The following PKHD1 variants were observed in gnomAD, a reference collection of about 807,000 sequenced individuals.
The protein encoded by PKHD1 is fibrocystin.
Under a neutral mutation model 412.0 loss-of-function variants are expected in PKHD1, and 291 were observed. The observed-to-expected ratio is 0.71, with a 90% CI of 0.64 to 0.78. PKHD1 has a LOEUF of 0.78. Ranked by LOEUF, PKHD1 falls within the 30% of genes least tolerant of loss-of-function variation. PKHD1 has a pLI of 0.00. For synonymous variants in PKHD1, 1,777 were observed against 1,821.5 expected, an observed-to-expected ratio of 0.98 and a Z score of 0.62; for missense variants, 4,825 against 4,950.7, an observed-to-expected ratio of 0.97 and a Z score of 0.76.
chr6:51,647,938 A>G, intron 63 of PKHD1, 93 bp downstream of exon 63: 1 of 799,478 alleles, frequency 1.3e-6, no homozygotes, highest in Non-Finnish European at 2.3e-6. Context: ...ATTCAGTATT[A>G]CCAATTTTGC....
chr6:51,700,722 T>C lies in PKHD1; in HGVS notation c.10157-40753A>G, dbSNP rs574530969. Among the ~76,000 whole-genome samples, 3 of 152,226 alleles carry C rather than the reference T, an allele frequency of 2.0e-5. No individual in the cohort carries two copies. In the East Asian group the frequency reaches 5.8e-4, roughly 29 times the overall value. On this transcript the variant is annotated intron_variant, in intron 60 of 66. Coordinates refer to ENST00000371117, the MANE Select transcript of PKHD1 (RefSeq NM_138694.4). ...CTGTATGCACTTAACATTGCTTTCT[T>C]TGGTAAAATGCAGCCCATTACCTGA...
chr6:52,084,241 A>C (rs1812432810), intron 2 of PKHD1, among the ~76,000 whole-genome samples: 1 of 152,238 alleles, frequency 6.6e-6, no homozygotes, highest in Admixed American at 6.5e-5. Context: ...CTGTACAGTT[A>C]TTCTCATGAT....
chr6:51,627,523 C>T (rs1197438622), intron 65 of PKHD1, among the ~76,000 whole-genome samples: 2 of 151,870 alleles, frequency 1.3e-5, no homozygotes, highest in Non-Finnish European at 2.9e-5. Flanking sequence ...ATGTGCCTTG[C>T]ATATGTGGCT....
chr6:51,658,261 G>C (rs935001946), intron 61 of PKHD1, among the ~76,000 whole-genome samples: 1 of 152,044 alleles, frequency 6.6e-6, no homozygotes, highest in African/African-American at 2.4e-5. Flanking sequence ...AAATTTGCTT[G>C]CATTTTTTCT....
chr6:51,764,233 C>A (rs1788559070), intron 55 of PKHD1, among the ~76,000 whole-genome samples: 1 of 149,968 alleles, frequency 6.7e-6, no homozygotes, highest in Non-Finnish European at 1.5e-5. Context: ...AATAAACAAC[C>A]CAATCAAAAA....
At chr6:51,657,958 T>G (rs1418376411) in intron 61 of PKHD1, among the ~76,000 whole-genome samples, 1 of 152,132 alleles carries the variant, frequency 6.6e-6, no homozygotes, top group Non-Finnish European at 1.5e-5. Flanking sequence ...ACAAAAATTA[T>G]TCATGTATGT....
At chr6:51,635,869 G>A (rs1031126844) in intron 64 of PKHD1, among the ~76,000 whole-genome samples, 4 of 75,198 alleles carry the variant, frequency 5.3e-5, no homozygotes, top group South Asian at 5.0e-4. Context: ...GGGGGGGGGC[G>A]GGGGGCCGGG....
intron 43 of PKHD1, among the ~76,000 whole-genome samples, chr6:51,898,296 G>A (rs1485501779): frequency 6.8e-6 from 1 of 147,180 alleles, no homozygotes; most frequent in Admixed American, 6.7e-5. Flanking sequence ...TAAAAGAACA[G>A]AAATTATAAC....
rs1251215262 is a variant in PKHD1 at position 52,050,044 on chromosome 6, T to C, written c.2279+113A>G. On this transcript the variant is annotated intron_variant, in intron 22 of 66. Coordinates refer to ENST00000371117, the MANE Select transcript of PKHD1 (RefSeq NM_138694.4). ...TGCTGCATTCTCAAGATTGAGAACA[T>C]TGCTTTAAGCAACAAGACAGGTAGC... 20 of 978,582 alleles carry C rather than the reference T, an allele frequency of 2.0e-5. 1 individual carries two copies. The highest frequency in any genetic ancestry group is 4.8e-5 in the African/African-American group (3 of 63,142). 60.6% of individuals were successfully genotyped at this position (978,582 alleles called of 1,614,324 possible).
At chr6:51,730,474 A>C (rs989767225) in intron 60 of PKHD1, among the ~76,000 whole-genome samples, 1 of 152,210 alleles carries the variant, frequency 6.6e-6, no homozygotes, top group Non-Finnish European at 1.5e-5. Context: ...CCCATAATTT[A>C]AAATGCTATT....
At chr6:51,982,158 C>T (rs1219413280) in intron 35 of PKHD1, among the ~76,000 whole-genome samples, 11 of 35,350 alleles carry the variant, frequency 3.1e-4, no homozygotes, top group South Asian at 2.0e-3. Flanking sequence ...CGTCTCCGCC[C>T]GGCAGCCACC....
At chr6:51,923,697 G>A (rs1402930559) in intron 37 of PKHD1, among the ~76,000 whole-genome samples, 2 of 152,148 alleles carry the variant, frequency 1.3e-5, no homozygotes, top group African/African-American at 2.4e-5. Flanking sequence ...TAAATAACGT[G>A]TGAAAGAAAC....
At chr6:52,054,902 C>A (rs1807468522) in intron 19 of PKHD1, among the ~76,000 whole-genome samples, 1 of 152,208 alleles carries the variant, frequency 6.6e-6, no homozygotes, top group African/African-American at 2.4e-5. Flanking sequence ...CCAACTCCCA[C>A]AGCAGCCCAA....
rs200124145 is a variant in PKHD1, at chr6:51,702,814, T to C, written c.10156+41571A>G. On this transcript the variant is annotated intron_variant, in intron 60 of 66. Transcript: ENST00000371117. ...AAATAATAAATTAATAAATGCACTG[T>C]TAAAAGAGAAAGAAAAAGGAATAGA... Among the ~76,000 whole-genome samples the C allele has an allele frequency of 5.9e-5, 9 of 151,526 alleles. No individual in the cohort carries two copies. In the East Asian group the frequency reaches 1.5e-3, roughly 26 times the overall value.
chr6:51,750,914 C>T (rs535777318), intron 57 of PKHD1, among the ~76,000 whole-genome samples: 1 of 152,112 alleles, frequency 6.6e-6, no homozygotes, highest in East Asian at 1.9e-4. Flanking sequence ...GTAGCTGGGA[C>T]TACAGGTGCA....
intron 52 of PKHD1, among the ~76,000 whole-genome samples, chr6:51,801,654 T>TGTGTGTGTTTGTGTGTGTGA (rs751203950): frequency 8.8e-6 from 1 of 114,210 alleles, no homozygotes; most frequent in Admixed American, 8.6e-5. Flanking sequence ...TGTGTGTGTG[T>TGTGTGTGTTTGTGTGTGTGA]GAGAGAGAGA....
intron 46 of PKHD1, among the ~76,000 whole-genome samples, chr6:51,872,709 A>G (rs1425338528): frequency 6.6e-6 from 1 of 152,070 alleles, no homozygotes; most frequent in African/African-American, 2.4e-5. Context: ...GAATCTGAGT[A>G]TCTTAAAACT....
At chr6:51,904,124 G>T (rs1251942792) in intron 41 of PKHD1, 82 bp from the exon 42 acceptor site, 2 of 916,666 alleles carry the variant, frequency 2.2e-6, no homozygotes, top group Non-Finnish European at 3.6e-6. Context: ...ACTTCTTTGG[G>T]TGTGGGTTGT....
At chr6:51,689,216 C>A (rs1384699328) in intron 60 of PKHD1, among the ~76,000 whole-genome samples, 3 of 152,156 alleles carry the variant, frequency 2.0e-5, no homozygotes, top group Non-Finnish European at 4.4e-5. Flanking sequence ...AAATTTGATT[C>A]ATCACTTAAA....
Sources: allele counts gnomAD v4.1 joint callset (sites outside exome capture counted in the v4.1 genomes callset), GRCh38; gene constraint gnomAD v4.1.1; transcripts MANE v1.5; gene names NCBI Gene and HGNC (gene_info 2026-07-23, HGNC 2026-07-21).